Variants in PDE1C observed in about 807,000 individuals in gnomAD.
PDE1C encodes phosphodiesterase 1C, also known as dual specificity calcium/calmodulin-dependent 3',5'-cyclic nucleotide phosphodiesterase 1C.
PDE1C carries 62 observed loss-of-function variants against 93.1 expected under a neutral mutation model. The observed-to-expected ratio is 0.67, with a 90% confidence interval of 0.54 to 0.82. The LOEUF (loss-of-function observed/expected upper bound fraction) is 0.82, where lower values mean the gene tolerates loss of function less well. Among genes scored for constraint, PDE1C ranks in the 40% least tolerant of loss-of-function variants. PDE1C has a pLI of 0.00. For missense variants in PDE1C, 742 were observed against 884.6 expected (o/e 0.84, Z 2.04); for synonymous variants, 325 against 310.1 (o/e 1.05, Z -0.50).
At chr7:31,971,056 C>G (rs1005799585) in intron 2 of PDE1C, among the ~76,000 whole-genome samples, 1 of 152,154 alleles carries the variant, frequency 6.6e-6, no homozygotes, top group Admixed American at 6.5e-5. Context: ...GTAGGAGAAT[C>G]GCTTGAACCT....
chr7:31,770,970 T>C (rs372401602), intron 17 of PDE1C, among the ~76,000 whole-genome samples: 1 of 152,228 alleles, frequency 6.6e-6, no homozygotes. Flanking sequence ...TTTTTTAAAA[T>C]TGCAATGACT....
rs79948907 is a variant in PDE1C at position 31,775,671 on chromosome 7, C to T, written c.1953G>A (p.Thr651=). ...GCAATGCTGTTTACCCACCTGGCAACGTAAGGCGACACGTGGAGCTGGTGC... is the reference window on the plus strand; with the variant it reads ...GCAATGCTGTTTACCCACCTGGCAATGTAAGGCGACACGTGGAGCTGGTGC... ...APSTSSTCRL[T]LPVIKPPLRH... The change falls in exon 17 of 18, where the codon ACG becomes ACA. Residue 651 remains threonine, a synonymous_variant. Coordinates refer to ENST00000396191, the MANE Select transcript of PDE1C (RefSeq NM_001191057.4). 40 of 1,612,522 alleles carry T rather than the reference C, an allele frequency of 2.5e-5. No individual in the cohort carries two copies. The East Asian group carries it at 4.0e-4, about 16-fold the overall frequency.
At chr7:32,339,046 AC>A (rs1284772157) in intron 1 of PDE1C, among the ~76,000 whole-genome samples, 3 of 151,420 alleles carry the variant, frequency 2.0e-5, no homozygotes, top group African/African-American at 4.9e-5. Flanking sequence ...ACACACACAC[AC>A]AAAGAGTATT....
chr7:31,700,638 T>C, the PDE1C span, among the ~76,000 whole-genome samples: 3 of 152,166 alleles, frequency 2.0e-5, no homozygotes, highest in African/African-American at 7.2e-5. Context: ...ATCTAGGCCA[T>C]TCATAGCTGG....
At chr7:31,786,239 C>T (rs1783922169) in intron 16 of PDE1C, 1 of 149,978 alleles carries the variant, frequency 6.7e-6, no homozygotes, top group South Asian at 2.1e-4. Flanking sequence ...GTGTCATCTT[C>T]CCTTTTGGAA....
the PDE1C span, among the ~76,000 whole-genome samples, chr7:31,730,247 A>T: frequency 6.6e-6 from 1 of 152,176 alleles, no homozygotes; most frequent in Admixed American, 6.5e-5. Context: ...CAGCACAGAC[A>T]CACACACTCA....
At chr7:31,695,666 G>A in the PDE1C span, 1 of 1,554,410 alleles carries the variant, frequency 6.4e-7, no homozygotes. Flanking sequence ...AGAGCCACTT[G>A]CCACTAGGTT....
chr7:31,907,787 T>G lies in PDE1C; in HGVS notation c.129-26927A>C, dbSNP rs186295429. On this transcript the variant is annotated intron_variant, in intron 2 of 17. Coordinates refer to ENST00000396191, the MANE Select transcript of PDE1C (RefSeq NM_001191057.4). ...AAGCCATTCATAAAGTGAGTTAACTTCTCTGTGCAGAAGTTCTTTGGGAAT... is the reference window on the plus strand; with the variant it reads ...AAGCCATTCATAAAGTGAGTTAACTGCTCTGTGCAGAAGTTCTTTGGGAAT... 2.7e-3 allele frequency among the ~76,000 whole-genome samples: 404 copies of G among 152,272 alleles called. 3 individuals are homozygous for G. Among genetic ancestry groups the G allele is most frequent in the African/African-American group, 6.2e-3 (259 of 41,558 alleles).
chr7:31,928,782 A>T (rs1213762486), intron 2 of PDE1C, among the ~76,000 whole-genome samples: 1 of 152,180 alleles, frequency 6.6e-6, no homozygotes, highest in African/African-American at 2.4e-5. Flanking sequence ...CTCCTGAAGG[A>T]AGCACTAAAT....
At chr7:31,678,149 G>A in the PDE1C span, among the ~76,000 whole-genome samples, 3 of 151,870 alleles carry the variant, frequency 2.0e-5, no homozygotes, top group Admixed American at 6.6e-5. Flanking sequence ...CTCATAAAGG[G>A]GTGACATCAG....
At chr7:32,128,932 T>C (rs1340464703) in intron 3 of PDE1C, among the ~76,000 whole-genome samples, 2 of 105,848 alleles carry the variant, frequency 1.9e-5, no homozygotes, top group Non-Finnish European at 3.9e-5. Context: ...TATATATATA[T>C]ATATATATAT....
the PDE1C span, among the ~76,000 whole-genome samples, chr7:31,663,970 A>G: frequency 1.3e-5 from 2 of 152,134 alleles, no homozygotes; most frequent in South Asian, 2.1e-4. Flanking sequence ...TTCTTATCAA[A>G]CTTTTTAGAA....
At chr7:31,681,471 C>T in the PDE1C span, among the ~76,000 whole-genome samples, 1 of 152,068 alleles carries the variant, frequency 6.6e-6, no homozygotes, top group East Asian at 1.9e-4. Context: ...TATTCAAAAC[C>T]ATCTCTCCTT....
intron 2 of PDE1C, among the ~76,000 whole-genome samples, chr7:32,013,904 C>T (rs1372419339): frequency 6.6e-6 from 1 of 152,228 alleles, no homozygotes; most frequent in African/African-American, 2.4e-5. Context: ...CCTTCCTCAA[C>T]TGCAGTTGGT....
intron 2 of PDE1C, among the ~76,000 whole-genome samples, chr7:31,886,776 A>ATTCAGAATAGATCTTTTTGGATCTT (rs1797937798): frequency 8.3e-5 from 3 of 36,332 alleles, no homozygotes; most frequent in African/African-American, 2.5e-4. Context: ...ATTCAGATCT[A>ATTCAGAATAGATCTTTTTGGATCTT]TTCAGAATAG....
Position 31,894,278 on chromosome 7 carries a change from G to C in PDE1C, c.129-13418C>G, listed in dbSNP as rs78022497. On this transcript the variant is annotated intron_variant, in intron 2 of 17. Transcript: ENST00000396191. ...TCTTCTTTTCTCCATACCAGGTGAT[G>C]CTCCGTGCTCTGGGGTCACAGGAGA... Among the ~76,000 whole-genome samples the C allele has an allele frequency of 3.5e-3, 535 of 152,336 alleles. 25 individuals are homozygous for C. In the East Asian group the frequency reaches 0.078, roughly 22 times the overall value.
chr7:31,786,190 C>T (rs563663718), intron 16 of PDE1C: 4 of 151,974 alleles, frequency 2.6e-5, no homozygotes, highest in Admixed American at 1.3e-4. Flanking sequence ...AGTTTCCACT[C>T]GGATTCTCAG....
intron 1 of PDE1C, among the ~76,000 whole-genome samples, chr7:32,405,595 T>C (rs1483324222): frequency 6.6e-6 from 1 of 152,132 alleles, no homozygotes; most frequent in African/African-American, 2.4e-5. Context: ...TCTTTTAGCG[T>C]GCTCCTACAT....
chr7:31,630,602 A>G, the PDE1C span, among the ~76,000 whole-genome samples: 1 of 152,198 alleles, frequency 6.6e-6, no homozygotes. Flanking sequence ...ACAACAGGGA[A>G]GATCTGCATC....
Sources: allele counts gnomAD v4.1 joint callset (sites outside exome capture counted in the v4.1 genomes callset), GRCh38; gene constraint gnomAD v4.1.1; transcripts MANE v1.5; gene names NCBI Gene and HGNC (gene_info 2026-07-23, HGNC 2026-07-21).